Variants in CSGALNACT1 observed in about 807,000 individuals in gnomAD.
CSGALNACT1 encodes chondroitin sulfate N-acetylgalactosaminyltransferase 1.
Under a neutral mutation model 51.0 loss-of-function variants are expected in CSGALNACT1, and 52 were observed. The ratio of observed to expected loss-of-function variants is 1.02; its 90% CI spans 0.82 to 1.29. CSGALNACT1 has a LOEUF of 1.29. Among genes scored for constraint, CSGALNACT1 ranks in the 50% most tolerant of loss-of-function variants. CSGALNACT1 has a pLI of 0.00. For synonymous variants in CSGALNACT1, 341 were observed against 254.4 expected, an observed-to-expected ratio of 1.34 and a Z score of -3.24; for missense variants, 935 against 679.2, an observed-to-expected ratio of 1.38 and a Z score of -4.19.
intron 1 of CSGALNACT1, among the ~76,000 whole-genome samples, chr8:19,711,808 T>G (rs2062521472): frequency 6.6e-6 from 1 of 152,112 alleles, no homozygotes; most frequent in African/African-American, 2.4e-5. Flanking sequence ...TGTCCCATAC[T>G]CTTCAAAACT....
chr8:19,750,365 T>G (rs2172349), intron 1 of CSGALNACT1, among the ~76,000 whole-genome samples: 34,545 of 151,866 alleles, frequency 0.23, 4,177 homozygotes, highest in African/African-American at 0.29. Context: ...CTGATCACAC[T>G]CGGCCTTGGA....
chr8:19,743,835 A>C (rs765353056), intron 1 of CSGALNACT1, among the ~76,000 whole-genome samples: 1 of 152,226 alleles, frequency 6.6e-6, no homozygotes, highest in Non-Finnish European at 1.5e-5. Context: ...ATAGATGATA[A>C]ATTTCTCCAC....
chr8:19,449,721 T>C (rs1045952882), intron 5 of CSGALNACT1, among the ~76,000 whole-genome samples: 1 of 152,130 alleles, frequency 6.6e-6, no homozygotes, highest in Non-Finnish European at 1.5e-5. Context: ...CAGTCAAGTC[T>C]GAGGAGGAAT....
chr8:19,565,205 C>T (rs1329402402), intron 3 of CSGALNACT1, among the ~76,000 whole-genome samples: 1 of 152,140 alleles, frequency 6.6e-6, no homozygotes, highest in South Asian at 2.1e-4. Context: ...ACACTTTCCA[C>T]CTTTTTCCAA....
At chr8:19,661,052 A>G (rs1379231526) in intron 1 of CSGALNACT1, among the ~76,000 whole-genome samples, 2 of 150,312 alleles carry the variant, frequency 1.3e-5, no homozygotes, top group Admixed American at 6.6e-5. Context: ...AGCTGGGTCT[A>G]CAGGTGCATG....
At chr8:19,586,557 G>A (rs1178939207) in intron 3 of CSGALNACT1, among the ~76,000 whole-genome samples, 1 of 152,122 alleles carries the variant, frequency 6.6e-6, no homozygotes, top group Admixed American at 6.5e-5. Context: ...AGAAACTCTG[G>A]GGATGGGCTT....
At chr8:19,586,793 G>C (rs1213681806) in intron 3 of CSGALNACT1, among the ~76,000 whole-genome samples, 1 of 152,182 alleles carries the variant, frequency 6.6e-6, no homozygotes, top group Non-Finnish European at 1.5e-5. Flanking sequence ...GAACCCAGAG[G>C]TTAAACAAAA....
rs1172217252 is a variant in CSGALNACT1 at position 19,435,491 on chromosome 8, C to A, written c.953+4339G>T. On this transcript the variant is annotated intron_variant, in intron 6 of 9. Coordinates refer to ENST00000454498, the Ensembl canonical transcript of CSGALNACT1. ...CTGGTAAAAAAGTGAGACTCTGAAT[C>A]AAAAAAAAAAAAAAAATTCCTATTA... Among the ~76,000 whole-genome samples the A allele has an allele frequency of 2.3e-3, 323 of 138,332 alleles. 3 individuals are homozygous for A. The highest frequency in any genetic ancestry group is 7.2e-3 in the African/African-American group (273 of 37,908). The allele number at this position is 138,332 out of a possible 152,430, so 90.8% of individuals were successfully genotyped here.
At chr8:19,743,705 GTAATTTA>G (rs2064461165) in intron 1 of CSGALNACT1, among the ~76,000 whole-genome samples, 1 of 152,130 alleles carries the variant, frequency 6.6e-6, no homozygotes, top group African/African-American at 2.4e-5. Context: ...CAACATCATT[GTAATTTA>G]TATTTTTATG....
At chr8:19,556,254 T>C (rs1432474965) in intron 3 of CSGALNACT1, among the ~76,000 whole-genome samples, 1 of 125,006 alleles carries the variant, frequency 8.0e-6, no homozygotes, top group Non-Finnish European at 1.7e-5. Flanking sequence ...TGTATGCCTG[T>C]AATCCCAGCT....
chr8:19,421,336 G>T (rs1475824562), intron 6 of CSGALNACT1, among the ~76,000 whole-genome samples: 1 of 152,182 alleles, frequency 6.6e-6, no homozygotes, highest in African/African-American at 2.4e-5. Context: ...TCTCGCATTC[G>T]TTGTTCTTTC....
At chr8:19,450,640 T>C (rs1036187699) in intron 5 of CSGALNACT1, among the ~76,000 whole-genome samples, 1 of 152,282 alleles carries the variant, frequency 6.6e-6, no homozygotes, top group East Asian at 1.9e-4. Context: ...CTCACGCCTG[T>C]AATCCCAACA....
upstream of CSGALNACT1, among the ~76,000 whole-genome samples, chr8:19,685,804 T>A (rs1018955247): frequency 6.6e-6 from 1 of 152,164 alleles, no homozygotes; most frequent in African/African-American, 2.4e-5. Flanking sequence ...AACTTTGACA[T>A]ACCAACGAGA....
intron 5 of CSGALNACT1, among the ~76,000 whole-genome samples, chr8:19,441,831 G>A (rs2061373642): frequency 6.6e-6 from 1 of 152,072 alleles, no homozygotes; most frequent in Non-Finnish European, 1.5e-5. Context: ...CTGACAAAGG[G>A]CTAATATCCA....
At chr8:19,660,995 C>T (rs569139443) in intron 1 of CSGALNACT1, among the ~76,000 whole-genome samples, 14 of 152,274 alleles carry the variant, frequency 9.2e-5, no homozygotes, top group South Asian at 4.1e-4. Context: ...TCATTGCAAC[C>T]TCTGCCTCCT....
chr8:19,506,104 G>C lies in CSGALNACT1; in HGVS notation c.-270C>G. ...CCTTCATTCCCATCACAGCCTTCCTGATGTGCAGCCAACAGCAAGAGGGGA... is the reference window on the plus strand; with the variant it reads ...CCTTCATTCCCATCACAGCCTTCCTCATGTGCAGCCAACAGCAAGAGGGGA... On this transcript the variant is annotated 5_prime_UTR_variant, in exon 4 of 10. The change creates a new upstream start codon in the 5' untranslated region. Coordinates refer to ENST00000454498, the Ensembl canonical transcript of CSGALNACT1. 3.1e-6 allele frequency: 2 copies of C among 637,920 alleles called. No homozygotes were observed. The highest frequency in any genetic ancestry group is 5.8e-6 in the Non-Finnish European group (2 of 345,686). The allele number at this position is 637,920 out of a possible 1,614,324, so 39.5% of individuals were successfully genotyped here.
At chr8:19,697,977 T>G (rs919427137) in intron 1 of CSGALNACT1, among the ~76,000 whole-genome samples, 1 of 152,154 alleles carries the variant, frequency 6.6e-6, no homozygotes, top group African/African-American at 2.4e-5. Flanking sequence ...ACTGAAATGC[T>G]GCCAAAAAGT....
At chr8:19,718,322 G>C (rs953233385) in intron 1 of CSGALNACT1, among the ~76,000 whole-genome samples, 1 of 151,996 alleles carries the variant, frequency 6.6e-6, no homozygotes, top group African/African-American at 2.4e-5. Context: ...GGCTAGTCTT[G>C]AACTCCTGAA....
At chr8:19,442,408 A>G (rs550469356) in intron 5 of CSGALNACT1, among the ~76,000 whole-genome samples, 3 of 152,276 alleles carry the variant, frequency 2.0e-5, no homozygotes, top group Admixed American at 6.5e-5. Flanking sequence ...TGAAGAGCTC[A>G]TGTCCTTTGT....
Sources: allele counts gnomAD v4.1 joint callset (sites outside exome capture counted in the v4.1 genomes callset), GRCh38; gene constraint gnomAD v4.1.1; transcripts MANE v1.5; gene names NCBI Gene and HGNC (gene_info 2026-07-23, HGNC 2026-07-21).